VPS8: variants seen among roughly 807,000 people sequenced by gnomAD.
The protein encoded by VPS8 is vacuolar protein sorting-associated protein 8 homolog.
A neutral mutation model predicts 216.4 loss-of-function variants in VPS8; 129 were observed. The observed-to-expected ratio is 0.60, with a 90% confidence interval of 0.52 to 0.69. The LOEUF is 0.69. Ranked by LOEUF, VPS8 falls within the 30% of genes least tolerant of loss-of-function variation. The pLI is 0.00. For synonymous variants in VPS8, 571 were observed against 565.4 expected (o/e 1.01, Z -0.14); for missense variants, 1,531 against 1,683.5 (o/e 0.91, Z 1.59).
At chr3:185,026,004 C>T (rs1257686013) in intron 46 of VPS8, among the ~76,000 whole-genome samples, 1 of 152,150 alleles carries the variant, frequency 6.6e-6, no homozygotes, top group Admixed American at 6.5e-5. Context: ...ATAGTAAGTA[C>T]TCAAGCTGTT....
At chr3:184,818,256 G>A (rs1358945821) in intron 1 of VPS8, among the ~76,000 whole-genome samples, 1 of 152,172 alleles carries the variant, frequency 6.6e-6, no homozygotes, top group African/African-American at 2.4e-5. Context: ...CTTGTGCTGG[G>A]CGTGGTGGCT....
Position 184,914,997 on chromosome 3 carries a change from C to G in VPS8, c.2206C>G (p.Arg736Gly). The stretch of plus-strand genomic sequence containing the variant: ...TTCTTCTAGCTGTTGTCTAGCAGGT[C>G]GTGCCTATCCCCTTGGTGACATCCC... ...LVYISCCLAG[R>G]AYPLGDIPED... Residue 736 changes from arginine (R) to glycine (G), a missense_variant, in exon 27 of 48, where the codon CGT becomes GGT. Around this residue, in one of 3 missense-constraint regions of VPS8, gnomAD observed 1,318 missense variants for 1,468.4 expected, o/e 0.90. Transcript: ENST00000625842. The G allele has an allele frequency of 1.2e-6, 2 of 1,613,952 alleles. No homozygotes were observed. Among genetic ancestry groups the G allele is most frequent in the Non-Finnish European group, 1.7e-6 (2 of 1,179,858 alleles).
intron 45 of VPS8, among the ~76,000 whole-genome samples, chr3:185,023,074 A>C (rs1356499545): frequency 7.2e-5 from 11 of 152,346 alleles, no homozygotes; most frequent in South Asian, 6.2e-4. Flanking sequence ...TGTCACCACA[A>C]TCAAGATAAT....
intron 3 of VPS8, among the ~76,000 whole-genome samples, chr3:184,827,348 A>G (rs1034309466): frequency 6.6e-6 from 1 of 152,224 alleles, no homozygotes; most frequent in Non-Finnish European, 1.5e-5. Flanking sequence ...AATGTGTTCT[A>G]ACTTCAGAAG....
intron 36 of VPS8, among the ~76,000 whole-genome samples, chr3:184,944,060 CACAA>C (rs925059069): frequency 1.1e-4 from 17 of 148,640 alleles, no homozygotes; most frequent in Non-Finnish European, 2.5e-4. Context: ...CACACACACA[CACAA>C]ACAAACATTT....
intron 22 of VPS8, among the ~76,000 whole-genome samples, chr3:184,890,888 A>C (rs546318550): frequency 6.6e-6 from 1 of 151,422 alleles, no homozygotes; most frequent in Non-Finnish European, 1.5e-5. Context: ...TTTTTTTTTC[A>C]GTATTAGACA....
intron 43 of VPS8, among the ~76,000 whole-genome samples, chr3:184,995,344 A>G (rs1752479430): frequency 6.6e-6 from 1 of 152,154 alleles, no homozygotes. Context: ...AGAATGTTGT[A>G]AGAATTGCAG....
chr3:184,934,363 G>T (rs769005514), intron 34 of VPS8, among the ~76,000 whole-genome samples: 3 of 151,868 alleles, frequency 2.0e-5, no homozygotes, highest in Non-Finnish European at 4.4e-5. Context: ...TAGAGACAGG[G>T]TTTTGCCATG....
intron 40 of VPS8, among the ~76,000 whole-genome samples, chr3:184,974,513 T>A (rs1748947386): frequency 6.6e-6 from 1 of 152,196 alleles, no homozygotes; most frequent in South Asian, 2.1e-4. Flanking sequence ...TGTTGTCTCT[T>A]CACTCTTTGG....
At chr3:184,962,401 G>T (rs1490147651) in intron 37 of VPS8, among the ~76,000 whole-genome samples, 3 of 152,130 alleles carry the variant, frequency 2.0e-5, no homozygotes, top group Non-Finnish European at 4.4e-5. Flanking sequence ...TCACATCCTT[G>T]CTGATACCTA....
In VPS8 at chr3:184,886,164, T is replaced by C; in HGVS notation, c.1781+8T>C. The C allele has an allele frequency of 6.2e-7, 1 of 1,604,672 alleles. No individual in the cohort carries two copies. Among genetic ancestry groups the C allele is most frequent in the Non-Finnish European group, 8.5e-7 (1 of 1,175,164 alleles). ...CCTTCTGCTGCAGCGAAAGTGAGTA[T>C]GCGTTGCCTGTCACATTCAATTATT... On this transcript the variant is annotated splice_region_variant and intron_variant, in intron 22 of 47. Transcript: ENST00000625842.
chr3:184,960,078 A>T (rs2109505289), intron 37 of VPS8, among the ~76,000 whole-genome samples: 1 of 152,186 alleles, frequency 6.6e-6, no homozygotes, highest in South Asian at 2.1e-4. Flanking sequence ...TATGAATAAG[A>T]ACATGCGGTG....
In VPS8 at chr3:184,999,519, A is replaced by AT. The variant is rs577287538; in HGVS notation, c.3837-172dup. 1.6e-4 allele frequency among the ~76,000 whole-genome samples: 25 copies of AT among 152,334 alleles called. No individual in the cohort carries two copies. The South Asian group carries it at 5.0e-3, about 30-fold the overall frequency. The stretch of plus-strand genomic sequence containing the variant: ...TATACAAATATATGTATGAATGTGG[A>AT]TTTTTAAAAAGAGAGGACAGCAGCA... On this transcript the variant is annotated intron_variant, in intron 44 of 47. Transcript: ENST00000625842.
At chr3:185,009,674 GTGAAAGATAGTGACCCC>G (rs2109983634) in intron 45 of VPS8, among the ~76,000 whole-genome samples, 1 of 152,252 alleles carries the variant, frequency 6.6e-6, no homozygotes, top group Non-Finnish European at 1.5e-5. Context: ...ACACCAGGCA[GTGAAAGATAGTGACCCC>G]TGAAAGATAA....
intron 46 of VPS8, among the ~76,000 whole-genome samples, chr3:185,040,973 C>T (rs534381063): frequency 3.3e-5 from 5 of 152,226 alleles, no homozygotes; most frequent in South Asian, 4.2e-4. Context: ...GAGGCCAAGG[C>T]GGGCAGAATA....
intron 30 of VPS8, among the ~76,000 whole-genome samples, chr3:184,926,202 C>T (rs1212146371): frequency 2.6e-5 from 4 of 151,356 alleles, no homozygotes; most frequent in African/African-American, 4.8e-5. Context: ...AGTGGAACCC[C>T]GTCTCTACTA....
In VPS8 at chr3:184,999,489, A is replaced by G. The variant is rs912053335; in HGVS notation, c.3837-207A>G. On this transcript the variant is annotated intron_variant, in intron 44 of 47. Coordinates refer to ENST00000625842, the MANE Select transcript of VPS8 (RefSeq NM_001009921.3). ...ACTGTGATTTGTTCGTACTCACAAC[A>G]TAAGTATACAAATATATGTATGAAT... is the stretch of plus-strand genomic sequence containing the variant. Among the ~76,000 whole-genome samples, 39 of 152,256 alleles carry G rather than the reference A, an allele frequency of 2.6e-4. 2 individuals are homozygous for G. The highest frequency in any genetic ancestry group is 1.7e-3 in the East Asian group (9 of 5,204).
intron 4 of VPS8, among the ~76,000 whole-genome samples, chr3:184,833,706 C>T (rs1720479922): frequency 6.6e-6 from 1 of 152,128 alleles, no homozygotes; most frequent in Non-Finnish European, 1.5e-5. Context: ...TGTATGTGTA[C>T]CCCAGACACA....
chr3:184,864,477 A>G lies in VPS8; in HGVS notation c.1395+1410A>G, dbSNP rs184655014. Reference sequence around the variant, plus strand: ...GACTCCTAATCAGCAAATGCATAGAAGGAAATTGCCCAAGGACCAGGGAAG... The same window carrying G: ...GACTCCTAATCAGCAAATGCATAGAGGGAAATTGCCCAAGGACCAGGGAAG... On this transcript the variant is annotated intron_variant, in intron 16 of 47. Coordinates refer to ENST00000625842, the MANE Select transcript of VPS8 (RefSeq NM_001009921.3). Among the ~76,000 whole-genome samples the G allele has an allele frequency of 2.6e-5, 4 of 152,258 alleles. No homozygotes were observed. In the East Asian group the frequency reaches 7.7e-4, roughly 29 times the overall value.
Sources: allele counts gnomAD v4.1 joint callset (sites outside exome capture counted in the v4.1 genomes callset), GRCh38; gene constraint gnomAD v4.1.1; regional missense constraint gnomAD v4.1.1; transcripts MANE v1.5; gene names NCBI Gene and HGNC (gene_info 2026-07-23, HGNC 2026-07-21).